Variants in CIITA observed in about 807,000 individuals in gnomAD.
The protein encoded by CIITA is MHC class II transactivator.
A neutral mutation model predicts 115.1 loss-of-function variants in CIITA; 72 were observed. The observed-to-expected ratio is 0.63, with a 90% confidence interval of 0.52 to 0.76. CIITA has a LOEUF of 0.76. CIITA is among the 30% of genes least tolerant of loss of function. CIITA has a pLI of 0.00. For missense variants in CIITA, 1,617 were observed against 1,463.8 expected, an observed-to-expected ratio of 1.10 and a Z score of -1.71; for synonymous variants, 763 against 635.6, an observed-to-expected ratio of 1.20 and a Z score of -3.02.
At chr16:10,870,952 C>T (rs2035442100) in intron 1 of CIITA, among the ~76,000 whole-genome samples, 2 of 152,130 alleles carry the variant, frequency 1.3e-5, no homozygotes, top group African/African-American at 4.8e-5. Flanking sequence ...AGACACCTAC[C>T]CCATGCAAAA....
downstream of CIITA, chr16:10,939,409 C>CTATG (rs1397672508): frequency 6.6e-6 from 1 of 152,304 alleles, no homozygotes; most frequent in Non-Finnish European, 1.5e-5. The surrounding 1 kb of genome is among the most constrained non-coding windows in gnomAD (Gnocchi z 4.9). Flanking sequence ...CTGCTCTTGG[C>CTATG]TATGGCCTTC....
In CIITA at chr16:10,920,370, C is replaced by T. The variant is rs1226196018; in HGVS notation, c.3150-1797C>T. 6.6e-6 allele frequency among the ~76,000 whole-genome samples: 1 copy of T among 152,216 alleles called. No homozygotes were observed. The highest frequency in any genetic ancestry group is 1.5e-5 in the Non-Finnish European group (1 of 68,036). ...TCAAGTGATTCTCATGCCTCAGCCTCCCAAGTAGCTGGGATTACAGATGCC... is the reference window on the plus strand; with the variant it reads ...TCAAGTGATTCTCATGCCTCAGCCTTCCAAGTAGCTGGGATTACAGATGCC... On this transcript the variant is annotated intron_variant, in intron 16 of 19. Coordinates refer to ENST00000324288, the MANE Select transcript of CIITA (RefSeq NM_000246.4). This position sits in a 1 kb window ranked among gnomAD's most constrained non-coding sequence, Gnocchi z 4.5.
chr16:10,929,106 GCCC>G lies in CIITA; in HGVS notation c.*5255_*5257del. 1.5e-6 allele frequency: 1 copy of G among 647,000 alleles called. No homozygotes were observed. Among genetic ancestry groups the G allele is most frequent in the Non-Finnish European group, 1.9e-6 (1 of 520,720 alleles). The allele number at this position is 647,000 out of a possible 1,614,324, so 40.1% of individuals were successfully genotyped here. A position where few individuals can be genotyped will look rare whatever the true frequency, so the allele number is the denominator to read the frequency against. The stretch of plus-strand genomic sequence containing the variant: ...TGAAGGAGCGAGAATCCCACCCTCA[GCCC>G]CCCAACAGCTTCCTCAGCTTCTTTT... On this transcript the variant is annotated 3_prime_UTR_variant, in exon 20 of 20. Coordinates refer to ENST00000324288, the MANE Select transcript of CIITA (RefSeq NM_000246.4). The surrounding 1 kb of genome is among the most constrained non-coding windows in gnomAD (Gnocchi z 4.3).
intron 7 of CIITA, 73 bp from the exon 8 acceptor site, chr16:10,902,581 TAATC>T: frequency 6.3e-7 from 1 of 1,586,326 alleles, no homozygotes; most frequent in Non-Finnish European, 8.7e-7. Flanking sequence ...GGTCAGACAT[TAATC>T]AAATAAGCAA....
chr16:10,878,713 G>A (rs575011038), intron 1 of CIITA, among the ~76,000 whole-genome samples: 3 of 152,340 alleles, frequency 2.0e-5, no homozygotes, highest in East Asian at 1.9e-4. Context: ...TGGCTCCCTA[G>A]CTCCTGGCTC....
Position 10,913,712 on chromosome 16 carries a change from G to T in CIITA, c.2889-1858G>T, listed in dbSNP as rs572904713. Among the ~76,000 whole-genome samples the T allele has an allele frequency of 2.1e-4, 32 of 152,028 alleles. No homozygotes were observed. In the South Asian group the frequency reaches 6.2e-3, roughly 30 times the overall value. On this transcript the variant is annotated intron_variant, in intron 13 of 19. Coordinates refer to ENST00000324288, the MANE Select transcript of CIITA (RefSeq NM_000246.4). ...CCCAGCACTTTGGGAGGCCGAGGCAGGTGGATCACAAGGCCAGGAGTTTGA... is the reference window on the plus strand; with the variant it reads ...CCCAGCACTTTGGGAGGCCGAGGCATGTGGATCACAAGGCCAGGAGTTTGA...
intron 14 of CIITA, 63 bp from the exon 15 acceptor site, chr16:10,916,304 G>A (rs953222666): frequency 6.6e-7 from 1 of 1,518,402 alleles, no homozygotes; most frequent in Non-Finnish European, 9.1e-7. Flanking sequence ...CCCTCACTGG[G>A]ATGGGAAGGG....
chr16:10,923,451 G>A lies in CIITA; in HGVS notation c.*22+126G>A, dbSNP rs1184498118. ...TAGGCCACCACCCTTGGACGCATGC[G>A]TCATCAGAGACATCCCCTCATCTCC... On this transcript the variant is annotated intron_variant, in intron 19 of 19. Transcript: ENST00000324288. The surrounding 1 kb of genome is among the most constrained non-coding windows in gnomAD (Gnocchi z 5.2). 8 of 726,132 alleles carry A rather than the reference G, an allele frequency of 1.1e-5. No individual in the cohort carries two copies. The highest frequency in any genetic ancestry group is 3.1e-5 in the South Asian group (2 of 65,334). 45.0% of individuals were successfully genotyped at this position (726,132 alleles called of 1,614,324 possible). A position where few individuals can be genotyped will look rare whatever the true frequency, so the allele number is the denominator to read the frequency against.
In CIITA at chr16:10,942,035, G is replaced by A; in HGVS notation, n.1161G>A. On this transcript the variant is annotated non_coding_transcript_exon_variant, in exon 2 of 2. Coordinates refer to the CIITA transcript ENST00000573379. This position sits in a 1 kb window ranked among gnomAD's most constrained non-coding sequence, Gnocchi z 5.0. ...CGGGTGGCAAGGGCGGCGGCCCGGC[G>A]ATCCCGGCGAACTCAGCCGCTGCGG... is the stretch of plus-strand genomic sequence containing the variant. 2 of 1,372,298 alleles carry A rather than the reference G, an allele frequency of 1.5e-6. No individual in the cohort carries two copies. The highest frequency in any genetic ancestry group is 1.9e-6 in the Non-Finnish European group (2 of 1,064,728). The allele number at this position is 1,372,298 out of a possible 1,614,324, so 85.0% of individuals were successfully genotyped here. A position where few individuals can be genotyped will look rare whatever the true frequency, so the allele number is the denominator to read the frequency against.
chr16:10,929,518 A>C lies in CIITA; in HGVS notation c.*5663A>C. On this transcript the variant is annotated 3_prime_UTR_variant, in exon 20 of 20. Coordinates refer to ENST00000324288, the MANE Select transcript of CIITA (RefSeq NM_000246.4). The surrounding 1 kb of genome is among the most constrained non-coding windows in gnomAD (Gnocchi z 4.3). Reference sequence around the variant, plus strand: ...CTCTTCCACTCTCCTGGGTTCAAACAGGAACCTCTCTGTTGGCACGAAGCT... The same window carrying C: ...CTCTTCCACTCTCCTGGGTTCAAACCGGAACCTCTCTGTTGGCACGAAGCT... The C allele has an allele frequency of 1.0e-6, 1 of 985,628 alleles. No individual in the cohort carries two copies. Among genetic ancestry groups the C allele is most frequent in the Non-Finnish European group, 1.2e-6 (1 of 829,962 alleles). 61.1% of individuals were successfully genotyped at this position (985,628 alleles called of 1,614,324 possible). A position where few individuals can be genotyped will look rare whatever the true frequency, so the allele number is the denominator to read the frequency against.
At chr16:10,921,166 G>A (rs2040250308) in intron 16 of CIITA, among the ~76,000 whole-genome samples, 1 of 152,206 alleles carries the variant, frequency 6.6e-6, no homozygotes, top group African/African-American at 2.4e-5. Context: ...TGCACCTGCT[G>A]CTTTTATATG....
chr16:10,891,877 A>T (rs2037620697), intron 1 of CIITA, among the ~76,000 whole-genome samples: 2 of 152,026 alleles, frequency 1.3e-5, no homozygotes, highest in Admixed American at 6.6e-5. Flanking sequence ...CAAGCCGGTT[A>T]TGTTTGGGTT....
upstream of CIITA, among the ~76,000 whole-genome samples, chr16:10,875,885 G>A (rs184145393): frequency 1.9e-4 from 29 of 152,282 alleles, no homozygotes; most frequent in East Asian, 5.0e-3. Flanking sequence ...TAGGAGAATG[G>A]CGTGAACCCA....
At position 10,941,666 on chromosome 16, in the gene CIITA, C is replaced by A; in HGVS notation, n.792C>A. 6.4e-7 allele frequency: 1 copy of A among 1,552,836 alleles called. No homozygotes were observed. Among genetic ancestry groups the A allele is most frequent in the Non-Finnish European group, 8.7e-7 (1 of 1,146,672 alleles). ...GGCGGCATGATCTGGGCGGCTGGTC[C>A]AGGGCATGGGTTGCGGATCGTGTAG... On this transcript the variant is annotated non_coding_transcript_exon_variant, in exon 2 of 2. Coordinates refer to the CIITA transcript ENST00000573379. This position sits in a 1 kb window ranked among gnomAD's most constrained non-coding sequence, Gnocchi z 6.4.
At chr16:10,892,004 G>A (rs1486985158) in intron 1 of CIITA, among the ~76,000 whole-genome samples, 6 of 152,200 alleles carry the variant, frequency 3.9e-5, no homozygotes, top group Non-Finnish European at 8.8e-5. Context: ...TCCCCAGGCA[G>A]TGAAAGCTGT....
chr16:10,929,309 T>G lies in CIITA; in HGVS notation c.*5454T>G, dbSNP rs1185531627. ...TGGGGGAAGCAGGTGCGCTCCGGGATGAAGTGCAGGGAGGCAAACTCTGGC... is the reference window on the plus strand; with the variant it reads ...TGGGGGAAGCAGGTGCGCTCCGGGAGGAAGTGCAGGGAGGCAAACTCTGGC... On this transcript the variant is annotated 3_prime_UTR_variant, in exon 20 of 20. Coordinates refer to ENST00000324288, the MANE Select transcript of CIITA (RefSeq NM_000246.4). The surrounding 1 kb of genome is among the most constrained non-coding windows in gnomAD (Gnocchi z 4.3). The G allele has an allele frequency of 1.0e-6, 1 of 985,788 alleles. No individual in the cohort carries two copies. The highest frequency in any genetic ancestry group is 1.2e-6 in the Non-Finnish European group (1 of 829,982). 61.1% of individuals were successfully genotyped at this position (985,788 alleles called of 1,614,324 possible).
At chr16:10,911,304 C>CT (rs1287652748) in intron 13 of CIITA, among the ~76,000 whole-genome samples, 1 of 131,846 alleles carries the variant, frequency 7.6e-6, no homozygotes, top group East Asian at 2.2e-4. Context: ...CCTTCCCTCC[C>CT]TCCCTCCTTC....
chr16:10,869,348 A>G (rs2035314099), intron 1 of CIITA, among the ~76,000 whole-genome samples: 1 of 152,142 alleles, frequency 6.6e-6, no homozygotes, highest in Non-Finnish European at 1.5e-5. Flanking sequence ...GAACCTTTGC[A>G]CATGCCGTTC....
chr16:10,917,348 T>A (rs1374828760), intron 15 of CIITA, among the ~76,000 whole-genome samples: 1 of 152,138 alleles, frequency 6.6e-6, no homozygotes, highest in Non-Finnish European at 1.5e-5. Flanking sequence ...AATTTTTGTA[T>A]TTTTTTGTAG....
Sources: gnomAD v4.1 joint callset for allele counts (sites outside exome capture counted in the v4.1 genomes callset) on GRCh38, gnomAD v4.1.1 for gene constraint, Gnocchi (gnomAD v3.1) non-coding constraint, MANE v1.5 for transcripts, NCBI Gene and HGNC (gene_info 2026-07-23, HGNC 2026-07-21) for gene names.